Variants in DMD observed in about 807,000 individuals in gnomAD.
DMD encodes the protein mutant dystrophin.
A neutral mutation model predicts 330.1 loss-of-function variants in DMD; 63 were observed. The ratio of observed to expected loss-of-function variants is 0.19; its 90% CI spans 0.16 to 0.24. DMD has a LOEUF of 0.24. Ranked by LOEUF, DMD falls within the 10% of genes least tolerant of loss-of-function variation. DMD has a pLI of 1.00. For synonymous variants in DMD, 1,223 were observed against 959.8 expected, an observed-to-expected ratio of 1.27 and a Z score of -5.07; for missense variants, 3,344 against 2,684.1, an observed-to-expected ratio of 1.25 and a Z score of -5.43.
At chrX:32,671,369 A>T (rs756025330) in intron 9 of DMD, among the ~76,000 whole-genome samples, 45 of 111,004 alleles carry the variant, frequency 4.1e-4, no homozygotes, top group South Asian at 2.2e-3. Flanking sequence ...ACACACACAC[A>T]CTCTGAGAAA....
At chrX:31,638,747 A>G (rs949707599) in intron 54 of DMD, among the ~76,000 whole-genome samples, 15 of 112,561 alleles carry the variant, frequency 1.3e-4, no homozygotes, top group Non-Finnish European at 2.6e-4. Flanking sequence ...AATCTCTTCA[A>G]TAAATGGGTT....
At chrX:32,517,329 T>C (rs928808112) in intron 18 of DMD, 7 of 112,115 alleles carry the variant, frequency 6.2e-5, no homozygotes, top group African/African-American at 2.3e-4. Context: ...ATTGTTGAAG[T>C]TGAAAAATTA....
chrX:32,418,171 C>A (rs766913079), intron 29 of DMD, among the ~76,000 whole-genome samples: 1 of 111,306 alleles, frequency 9.0e-6, no homozygotes, highest in Non-Finnish European at 1.9e-5. Context: ...ATTCATGGCG[C>A]CATCTACCTG....
At chrX:32,438,180 C>A (rs2098268642) in intron 29 of DMD, 61 bp downstream of exon 29, 3 of 1,111,254 alleles carry the variant, frequency 2.7e-6, no homozygotes, top group Non-Finnish European at 3.7e-6. Flanking sequence ...ATCTGAGAGG[C>A]CTGTATCTGC....
chrX:32,462,606 GT>G (rs11317304), intron 25 of DMD, among the ~76,000 whole-genome samples: 11,146 of 108,462 alleles, frequency 0.1, 1,388 homozygotes, highest in African/African-American at 0.34. Flanking sequence ...TTTTGTGTGT[GT>G]TTTTTTTTGA....
chrX:32,686,014 T>G (rs1384615502), intron 9 of DMD, among the ~76,000 whole-genome samples: 1 of 111,604 alleles, frequency 9.0e-6, no homozygotes, highest in African/African-American at 3.3e-5. Flanking sequence ...AAACTCTTAG[T>G]GAAAACAAAA....
chrX:31,576,026 C>A (rs1447241703), intron 55 of DMD, among the ~76,000 whole-genome samples: 1 of 111,748 alleles, frequency 8.9e-6, no homozygotes, highest in African/African-American at 3.2e-5. Flanking sequence ...TCTAAAATAA[C>A]TTTACTTTGA....
In DMD at chrX:33,095,964, ATTTTT is replaced by A. The variant is rs35906927; in HGVS notation, c.32-75769_32-75765del. ...TAAATCAAACACTACTTCTTCCAGA[ATTTTT>A]TTTTTTTTTTTTTTTTTTTTTTTGA... On this transcript the variant is annotated intron_variant, in intron 1 of 78. Coordinates refer to ENST00000357033, the MANE Select transcript of DMD (RefSeq NM_004006.3). 1.2e-4 allele frequency among the ~76,000 whole-genome samples: 6 copies of A among 51,569 alleles called. 1 individual carries two copies. In the East Asian group the frequency reaches 2.7e-3, roughly 24 times the overall value. The allele number at this position is 51,569 out of a possible 115,157, so 44.8% of individuals were successfully genotyped here.
intron 55 of DMD, among the ~76,000 whole-genome samples, chrX:31,609,365 T>C (rs1432438222): frequency 2.7e-5 from 3 of 111,761 alleles, no homozygotes; most frequent in African/African-American, 9.7e-5. Flanking sequence ...TTTGGGAAAA[T>C]TATTTTCTTT....
chrX:32,018,315 A>G (rs2095781617), intron 44 of DMD, among the ~76,000 whole-genome samples: 1 of 111,409 alleles, frequency 9.0e-6, no homozygotes, highest in Admixed American at 9.6e-5. Context: ...TCCCACTGTA[A>G]ATTTGTATTA....
intron 55 of DMD, among the ~76,000 whole-genome samples, chrX:31,616,631 A>G (rs1368103163): frequency 8.9e-6 from 1 of 112,406 alleles, no homozygotes; most frequent in Admixed American, 9.4e-5. Flanking sequence ...GATATATACA[A>G]GTGAATAAAG....
chrX:32,968,731 G>A (rs781077746), intron 2 of DMD, among the ~76,000 whole-genome samples: 7 of 109,064 alleles, frequency 6.4e-5, no homozygotes, highest in Non-Finnish European at 1.3e-4. Flanking sequence ...TAGTTGCCTC[G>A]TAAAAGAGAA....
At chrX:32,506,420 T>TAAAAAAAAAAAAAAAAAAAA in intron 18 of DMD, among the ~76,000 whole-genome samples, 1 of 71,490 alleles carries the variant, frequency 1.4e-5, no homozygotes, top group Non-Finnish European at 2.8e-5. Context: ...TACAAAATGC[T>TAAAAAAAAAAAAAAAAAAAA]AAAAAAAAAA....
rs761557822 is a variant in DMD at position 31,310,842 on chromosome X, A to G, written c.9224+12756T>C. 8.1e-4 allele frequency among the ~76,000 whole-genome samples: 89 copies of G among 109,601 alleles called. No individual in the cohort carries two copies. The Admixed American group carries it at 8.6e-3, about 11-fold the overall frequency. On this transcript the variant is annotated intron_variant, in intron 62 of 78. Transcript: ENST00000357033. The stretch of plus-strand genomic sequence containing the variant: ...AGTGCTGGGATTACACGCTTGAGAC[A>G]CTGTGCCCAGCTATATTCAGACAGA...
At chrX:32,116,851 T>G (rs2096612876) in intron 44 of DMD, among the ~76,000 whole-genome samples, 1 of 112,165 alleles carries the variant, frequency 8.9e-6, no homozygotes. Flanking sequence ...TCTAACACTC[T>G]TCTTTTCAAA....
At position 32,411,770 on chromosome X, in the gene DMD, T is replaced by A; in HGVS notation, c.4215A>T (p.Gln1405His). The change falls in exon 30 of 79, where the codon CAA (glutamine) becomes CAT (histidine). Residue 1405 changes from glutamine to histidine, a missense_variant. Transcript: ENST00000357033. ...AYIADKVDAAQMPQEAQKIQS... is the reference protein window; with the variant it reads ...AYIADKVDAAHMPQEAQKIQS... The stretch of plus-strand genomic sequence containing the variant: ...TACTTGCCTGGGCTTCCTGAGGCAT[T>A]TGAGCTGCGTCCACCTTGTCTGCAA... 8.3e-7 allele frequency: 1 copy of A among 1,211,371 alleles called. No homozygotes were observed. Among genetic ancestry groups the A allele is most frequent in the Non-Finnish European group, 1.1e-6 (1 of 895,388 alleles).
intron 7 of DMD, among the ~76,000 whole-genome samples, chrX:32,705,179 ATTTT>A (rs1246202399): frequency 8.9e-6 from 1 of 111,966 alleles, no homozygotes; most frequent in Non-Finnish European, 1.9e-5. Flanking sequence ...CCCATGTTAA[ATTTT>A]TTAACATTCT....
intron 44 of DMD, among the ~76,000 whole-genome samples, chrX:32,192,333 G>A: frequency 9.0e-6 from 1 of 111,469 alleles, no homozygotes; most frequent in East Asian, 2.8e-4. Flanking sequence ...CTAGTTAAGG[G>A]GAGAAGGCTT....
At chrX:31,687,242 G>C (rs1201454178) in intron 52 of DMD, among the ~76,000 whole-genome samples, 1 of 111,261 alleles carries the variant, frequency 9.0e-6, no homozygotes. Context: ...ATTCCCAGCT[G>C]TGGTGGTTAT....
Sources: gnomAD v4.1 joint callset for allele counts (sites outside exome capture counted in the v4.1 genomes callset) on GRCh38, gnomAD v4.1.1 for gene constraint, MANE v1.5 for transcripts, NCBI Gene and HGNC (gene_info 2026-07-23, HGNC 2026-07-21) for gene names.